Variants in ZBTB49 observed in about 807,000 individuals in gnomAD.
The protein encoded by ZBTB49 is zinc finger and BTB domain-containing protein 49.
In ZBTB49, 43 loss-of-function variants were observed where a neutral mutation model predicts 57.5. The ratio of observed to expected loss-of-function variants is 0.75; its 90% CI spans 0.59 to 0.97. ZBTB49 has a LOEUF of 0.97. Among genes scored for constraint, ZBTB49 ranks in the 50% least tolerant of loss-of-function variants. The probability of loss-of-function intolerance (pLI) is 0.00; values close to 1 mark genes in which losing one functional copy is unlikely to be tolerated. For missense variants in ZBTB49, 938 were observed against 947.7 expected (o/e 0.99, Z 0.13); for synonymous variants, 369 against 362.1 (o/e 1.02, Z -0.22).
chr4:4,312,140 T>C (rs1266941213), intron 4 of ZBTB49, among the ~76,000 whole-genome samples: 3 of 152,232 alleles, frequency 2.0e-5, no homozygotes, highest in Non-Finnish European at 2.9e-5. Flanking sequence ...GCTGGGTATA[T>C]TACCTCATTT....
At chr4:4,312,049 A>G (rs900065437) in intron 4 of ZBTB49, among the ~76,000 whole-genome samples, 2 of 152,202 alleles carry the variant, frequency 1.3e-5, no homozygotes, top group African/African-American at 2.4e-5. Context: ...TTGCAAATTA[A>G]AAAAAGCCCC....
chr4:4,321,127 A>G lies in ZBTB49; in HGVS notation c.2109A>G (p.Pro703=), dbSNP rs1394412614. The G allele has an allele frequency of 3.7e-6, 6 of 1,613,990 alleles. No individual in the cohort carries two copies. Among genetic ancestry groups the G allele is most frequent in the African/African-American group, 1.3e-5 (1 of 74,914 alleles). The change falls in exon 8 of 8, where the codon CCA becomes CCG. Residue 703 remains proline (P), a synonymous_variant. Coordinates refer to ENST00000337872, the MANE Select transcript of ZBTB49 (RefSeq NM_145291.4). ...TGGACACCCCAGCCGGTGGCGAACC[A>G]CTGCAGGCCGATGGCATGGCCATGA... is the stretch of plus-strand genomic sequence containing the variant. ...SDVDTPAGGE[P]LQADGMAMIR... is the part of the protein sequence containing the mutation.
chr4:4,306,090 A>G (rs1720722364), intron 3 of ZBTB49, 48 bp from the exon 4 acceptor site: 19 of 1,569,502 alleles, frequency 1.2e-5, no homozygotes, highest in Non-Finnish European at 1.7e-5. Context: ...AAATTATTGA[A>G]CAAATACTAG....
intron 4 of ZBTB49, among the ~76,000 whole-genome samples, chr4:4,310,932 T>C (rs887586786): frequency 2.0e-5 from 3 of 152,212 alleles, no homozygotes; most frequent in African/African-American, 7.2e-5. Flanking sequence ...AATAAAAATA[T>C]TGACTAAAGC....
chr4:4,315,954 C>T lies in ZBTB49; in HGVS notation c.1605C>T (p.Tyr535=), dbSNP rs780013552. Residue 535 remains tyrosine (Y), a synonymous_variant, in exon 7 of 8, where the codon TAC becomes TAT. Coordinates refer to ENST00000337872, the MANE Select transcript of ZBTB49 (RefSeq NM_145291.4). ...TTCGGCACACGGGGGAGCGGCCTTA[C>T]AGCTGCTCTGCCTGCGGTGAGTTTG... The part of the protein sequence containing the change: ...HRIRHTGERP[Y]SCSACGKCFG... 4 of 1,614,004 alleles carry T rather than the reference C, an allele frequency of 2.5e-6. No individual in the cohort carries two copies. The highest frequency in any genetic ancestry group is 2.2e-5 in the East Asian group (1 of 44,892).
chr4:4,317,673 T>G (rs1038908276), intron 7 of ZBTB49, among the ~76,000 whole-genome samples: 15 of 152,006 alleles, frequency 9.9e-5, no homozygotes, highest in Non-Finnish European at 2.2e-4. Flanking sequence ...TCCATTTTCT[T>G]GGATATATAG....
rs1439103151 is a variant in ZBTB49, at chr4:4,302,867, C to T, written c.1031C>T (p.Thr344Ile). 1.9e-6 allele frequency: 3 copies of T among 1,613,820 alleles called. No homozygotes were observed. Among genetic ancestry groups the T allele is most frequent in the Admixed American group, 1.7e-5 (1 of 59,986 alleles). Reference sequence around the variant, plus strand: ...AGGTTGGAATCTGCTAGTAAAAATACCCTAGAGAAAGCTAGCAGCCAAAGT... The same window carrying T: ...AGGTTGGAATCTGCTAGTAAAAATATCCTAGAGAAAGCTAGCAGCCAAAGT... ...TKRLESASKN[T>I]LEKASSQSAE... Residue 344 changes from threonine to isoleucine, a missense_variant, in exon 3 of 8, where the codon ACC becomes ATC. Transcript: ENST00000337872.
Position 4,321,482 on chromosome 4 carries a change from T to C in ZBTB49, c.*166T>C. On this transcript the variant is annotated 3_prime_UTR_variant, in exon 8 of 8. Coordinates refer to ENST00000337872, the MANE Select transcript of ZBTB49 (RefSeq NM_145291.4). ...AATCTGAAGCATCTTGAGCTGGGGG[T>C]GTGAGGGGGAGGGCCTGCTGGCTCA... 1.0e-5 allele frequency: 8 copies of C among 798,998 alleles called. No homozygotes were observed. Among genetic ancestry groups the C allele is most frequent in the South Asian group, 3.7e-5 (2 of 53,504 alleles). 49.5% of individuals were successfully genotyped at this position (798,998 alleles called of 1,614,324 possible).
chr4:4,312,934 T>G, intron 4 of ZBTB49, 107 bp from the exon 5 acceptor site: 1 of 1,242,368 alleles, frequency 8.0e-7, no homozygotes, highest in Non-Finnish European at 1.1e-6. Flanking sequence ...CATCTGGAAT[T>G]TGAATTGGAA....
intron 1 of ZBTB49, among the ~76,000 whole-genome samples, chr4:4,297,647 A>G (rs1455743539): frequency 5.3e-5 from 8 of 151,904 alleles, no homozygotes; most frequent in South Asian, 2.1e-4. Flanking sequence ...TTAGCCAGGT[A>G]TGGTGGCACA....
Position 4,300,047 on chromosome 4 carries a change from C to T in ZBTB49, c.102C>T (p.Val34=), listed in dbSNP as rs373509199. Residue 34 remains valine (V), a synonymous_variant, in exon 2 of 8, where the codon GTC becomes GTT. Transcript: ENST00000337872. ...LCDCMLVVKG[V]CFKAHKNVLA... ...ACTGTATGTTGGTGGTAAAAGGAGT[C>T]TGCTTTAAAGCGCATAAGAATGTCC... 3.1e-6 allele frequency: 5 copies of T among 1,614,032 alleles called. No homozygotes were observed. In the African/African-American group the frequency reaches 6.7e-5, roughly 22 times the overall value.
In ZBTB49 at chr4:4,306,118, G is replaced by A; in HGVS notation, c.1256-20G>A. 2.5e-6 allele frequency: 4 copies of A among 1,608,344 alleles called. No individual in the cohort carries two copies. Among genetic ancestry groups the A allele is most frequent in the Non-Finnish European group, 3.4e-6 (4 of 1,176,880 alleles). On this transcript the variant is annotated intron_variant, in intron 3 of 7. Transcript: ENST00000337872. ...AATACTAGTAATGATTTTACAAGTT[G>A]TTGTTTTGTTTTGTTTTAGGTGAGA...
chr4:4,301,228 C>T (rs890917098), intron 2 of ZBTB49, among the ~76,000 whole-genome samples: 14 of 152,208 alleles, frequency 9.2e-5, no homozygotes, highest in African/African-American at 3.4e-4. Flanking sequence ...CTTCAACTTA[C>T]TTACCTGAGC....
chr4:4,291,730 T>A (rs1263261245), intron 1 of ZBTB49, among the ~76,000 whole-genome samples: 1 of 152,216 alleles, frequency 6.6e-6, no homozygotes, highest in Non-Finnish European at 1.5e-5. Context: ...AGCCCTCTCA[T>A]TTTTTTAGTC....
At chr4:4,306,321 A>C in intron 4 of ZBTB49, 137 bp downstream of exon 4, 1 of 730,350 alleles carries the variant, frequency 1.4e-6, no homozygotes. Context: ...AGAATAAATT[A>C]GGATAAATCG....
intron 7 of ZBTB49, 90 bp downstream of exon 7, chr4:4,316,060 A>T: frequency 6.7e-7 from 1 of 1,503,264 alleles, no homozygotes; most frequent in Non-Finnish European, 9.0e-7. Context: ...CGTGTCTGGG[A>T]TGAGCCCTTT....
At chr4:4,316,019 G>GCTT (rs749387887) in intron 7 of ZBTB49, 49 bp downstream of exon 7, 1 of 1,600,586 alleles carries the variant, frequency 6.2e-7, no homozygotes, top group East Asian at 2.2e-5. Flanking sequence ...TGTGGGAAGG[G>GCTT]CTTTGTCCCC....
At position 4,302,781 on chromosome 4, in the gene ZBTB49, G is replaced by A. The variant is rs765797625; in HGVS notation, c.945G>A (p.Leu315=). The part of the protein sequence containing the change: ...KAIHLKKLNF[L]KSQKYAEQVS... ...TTCATCTGAAGAAGCTCAATTTCCT[G>A]AAGTCACAGAAATACGCAGAGCAAG... The change falls in exon 3 of 8, where the codon CTG becomes CTA. Residue 315 remains leucine, a synonymous_variant. Transcript: ENST00000337872. 19 of 1,613,992 alleles carry A rather than the reference G, an allele frequency of 1.2e-5. No homozygotes were observed. The highest frequency in any genetic ancestry group is 2.2e-5 in the East Asian group (1 of 44,898).
At chr4:4,308,897 G>A (rs1720858800) in intron 4 of ZBTB49, among the ~76,000 whole-genome samples, 1 of 152,216 alleles carries the variant, frequency 6.6e-6, no homozygotes, top group Admixed American at 6.5e-5. Context: ...TGAAATGCTT[G>A]AGAGATTGCT....
Sources: allele counts gnomAD v4.1 joint callset (sites outside exome capture counted in the v4.1 genomes callset), GRCh38; gene constraint gnomAD v4.1.1; transcripts MANE v1.5; gene names NCBI Gene and HGNC (gene_info 2026-07-23, HGNC 2026-07-21).